PKHD1L1: variants seen among roughly 807,000 people sequenced by gnomAD.
PKHD1L1 encodes the protein fibrocystin-L.
Under a neutral mutation model 462.9 loss-of-function variants are expected in PKHD1L1, and 434 were observed. That is an observed-to-expected ratio of 0.94 (90% confidence interval 0.87 to 1.02). The LOEUF is 1.02. Ranked by LOEUF, PKHD1L1 falls within the 50% of genes least tolerant of loss-of-function variation. The probability of loss-of-function intolerance (pLI) is 0.00; values close to 1 mark genes in which losing one functional copy is unlikely to be tolerated. For synonymous variants in PKHD1L1, 1,781 were observed against 1,750.0 expected, an observed-to-expected ratio of 1.02 and a Z score of -0.44; for missense variants, 5,202 against 5,096.1, an observed-to-expected ratio of 1.02 and a Z score of -0.63.
rs1821129190 is a variant in PKHD1L1, at chr8:109,535,641, G to A, written c.*5551G>A. On this transcript the variant is annotated 3_prime_UTR_variant, in exon 78 of 78. Transcript: ENST00000378402. ...ACAATCAAGACACATATCCTCCTAA[G>A]TGAATTTGAATTAGACACTGGAAAA... 6.6e-6 allele frequency among the ~76,000 whole-genome samples: 1 copy of A among 152,172 alleles called. No individual in the cohort carries two copies.
At chr8:109,384,358 A>G (rs1586400809) in intron 5 of PKHD1L1, among the ~76,000 whole-genome samples, 1 of 152,102 alleles carries the variant, frequency 6.6e-6, no homozygotes, top group East Asian at 1.9e-4. Context: ...GGGCAACATC[A>G]TGAGACCCTC....
intron 65 of PKHD1L1, among the ~76,000 whole-genome samples, chr8:109,497,563 A>G (rs2130940430): frequency 6.6e-6 from 1 of 151,324 alleles, no homozygotes; most frequent in Non-Finnish European, 1.5e-5. Context: ...AGTAGCTAGG[A>G]CTACAGGTGC....
Position 109,394,419 on chromosome 8 carries a change from T to C in PKHD1L1, c.745T>C (p.Phe249Leu). 1 of 1,487,838 alleles carries C rather than the reference T, an allele frequency of 6.7e-7. No homozygotes were observed. The highest frequency in any genetic ancestry group is 1.4e-5 in the African/African-American group (1 of 70,714). 92.2% of individuals were successfully genotyped at this position (1,487,838 alleles called of 1,614,324 possible). ...AATTTAATCTTTTTTTAACAGGAGTTTTCCACAGAAAATGGCATATTTTGT... is the reference window on the plus strand; with the variant it reads ...AATTTAATCTTTTTTTAACAGGAGTCTTCCACAGAAAATGGCATATTTTGT... ...FILDNDYGRS[F>L]PQKMAYFVSS... Residue 249 changes from phenylalanine (F) to leucine (L), a missense_variant, in exon 10 of 78, where the codon TTT becomes CTT. Phe to Leu is a conservative substitution (Grantham distance 22). Coordinates refer to ENST00000378402, the MANE Select transcript of PKHD1L1 (RefSeq NM_177531.6).
intron 18 of PKHD1L1, 134 bp from the exon 19 acceptor site, chr8:109,409,731 A>G: frequency 2.1e-6 from 1 of 486,246 alleles, no homozygotes; most frequent in Non-Finnish European, 3.6e-6. Flanking sequence ...TAGAAAATTA[A>G]CTCATAATCA....
rs1400031234 is a variant in PKHD1L1 at position 109,364,730 on chromosome 8, G to T, written c.163+94G>T. 14 of 767,820 alleles carry T rather than the reference G, an allele frequency of 1.8e-5. No homozygotes were observed. The East Asian group carries it at 3.7e-4, about 20-fold the overall frequency. 47.6% of individuals were successfully genotyped at this position (767,820 alleles called of 1,614,324 possible). A position where few individuals can be genotyped will look rare whatever the true frequency, so the allele number is the denominator to read the frequency against. ...GCTTTATGGACAAACAAACAAACAA[G>T]CACCACTGGAGTTATTTCTTCACTT... On this transcript the variant is annotated intron_variant, in intron 2 of 77. Coordinates refer to ENST00000378402, the MANE Select transcript of PKHD1L1 (RefSeq NM_177531.6).
At position 109,382,538 on chromosome 8, in the gene PKHD1L1, A is replaced by C. The variant is rs545129191; in HGVS notation, c.384A>C (p.Lys128Asn). Residue 128 changes from lysine to asparagine, a missense_variant, in exon 4 of 78, where the codon AAA (lysine) becomes AAC (asparagine). This residue lies in a region of PKHD1L1 where 4,497 missense variants were observed against 4,336.8 expected (regional missense o/e 1.04). Transcript: ENST00000378402. ...CTGTTACGGAAAATAACACCTGCAA[A>C]GGTCACATCAACAGCTGGGAATGTA... Reference protein sequence around the residue: ...GVPVTENNTCKGHINSWECTF... With the variant: ...GVPVTENNTCNGHINSWECTF... 6.2e-7 allele frequency: 1 copy of C among 1,612,536 alleles called. No homozygotes were observed. The highest frequency in any genetic ancestry group is 1.7e-5 in the Admixed American group (1 of 59,866).
chr8:109,364,121 T>G (rs1586351233), intron 1 of PKHD1L1, among the ~76,000 whole-genome samples: 1 of 152,352 alleles, frequency 6.6e-6, no homozygotes, highest in Middle Eastern at 3.4e-3. Flanking sequence ...TGGTCTAGTC[T>G]TTCAAACTAC....
rs775740138 is a variant in PKHD1L1 at position 109,381,451 on chromosome 8, A to G, written c.245A>G (p.Gln82Arg). The part of the protein sequence containing the change: ...GNSVQLISSF[Q>R]SITCDVEKDA... The stretch of plus-strand genomic sequence containing the variant: ...AGTGTGCAATTAATTTCTTCTTTCC[A>G]GTCAATTACTTGTGATGTAGAAAAA... Residue 82 changes from glutamine (Q) to arginine (R), a missense_variant, in exon 3 of 78, where the codon CAG becomes CGG. This residue lies in a region of PKHD1L1 where 4,497 missense variants were observed against 4,336.8 expected (regional missense o/e 1.04). Transcript: ENST00000378402. 2 of 1,584,118 alleles carry G rather than the reference A, an allele frequency of 1.3e-6. No homozygotes were observed. The highest frequency in any genetic ancestry group is 1.3e-5 in the African/African-American group (1 of 74,594).
chr8:109,469,083 A>G (rs1163254644), intron 50 of PKHD1L1, among the ~76,000 whole-genome samples: 1 of 152,140 alleles, frequency 6.6e-6, no homozygotes, highest in Non-Finnish European at 1.5e-5. Flanking sequence ...TCCTCTGCCC[A>G]GTGACTATTG....
At chr8:109,402,847 A>G (rs1322575009) in intron 14 of PKHD1L1, among the ~76,000 whole-genome samples, 1 of 152,106 alleles carries the variant, frequency 6.6e-6, no homozygotes, top group African/African-American at 2.4e-5. Flanking sequence ...ATGTTCTCAC[A>G]CTCAATGTTC....
intron 9 of PKHD1L1, among the ~76,000 whole-genome samples, chr8:109,391,841 A>T (rs190955920): frequency 2.0e-5 from 3 of 152,330 alleles, no homozygotes; most frequent in African/African-American, 2.4e-5. Context: ...ACTCAAGTAC[A>T]CTATCATTGT....
chr8:109,452,179 T>G lies in PKHD1L1; in HGVS notation c.6406T>G (p.Tyr2136Asp), dbSNP rs201347021. The G allele has an allele frequency of 7.0e-4, 1,130 of 1,613,404 alleles. 3 individuals carry two copies. The highest frequency in any genetic ancestry group is 1.1e-3 in the South Asian group (101 of 90,934). ...AGCTGAAGCCAAATGTGATGTTGAG[T>G]ATTCCAACAAGACACACATCATCTG... ...TIAEAKCDVEYSNKTHIICMT... is the reference protein window; with the variant it reads ...TIAEAKCDVEDSNKTHIICMT... Residue 2136 changes from tyrosine (Y) to aspartate (D), a missense_variant, in exon 42 of 78, where the codon TAT becomes GAT. This residue lies in a region of PKHD1L1 where 4,497 missense variants were observed against 4,336.8 expected (regional missense o/e 1.04). Transcript: ENST00000378402.
In PKHD1L1 at chr8:109,400,135, A is replaced by G; in HGVS notation, c.1072A>G (p.Ile358Val). 1 of 1,613,600 alleles carries G rather than the reference A, an allele frequency of 6.2e-7. No homozygotes were observed. Among genetic ancestry groups the G allele is most frequent in the Middle Eastern group, 1.6e-4 (1 of 6,062 alleles). ...TAGCCGTCCAATACGTTTGGAAGAG[A>G]TACTGGAATACAATGAAAAAACGCC... ...NNSRPIRLEE[I>V]LEYNEKTPGY... is the part of the protein sequence containing the mutation. Residue 358 changes from isoleucine to valine, a missense_variant, in exon 13 of 78, where the codon ATA becomes GTA. Around this residue, in one of 3 missense-constraint regions of PKHD1L1, gnomAD observed 4,497 missense variants for 4,336.8 expected, o/e 1.04. Coordinates refer to ENST00000378402, the MANE Select transcript of PKHD1L1 (RefSeq NM_177531.6).
intron 45 of PKHD1L1, among the ~76,000 whole-genome samples, chr8:109,455,095 G>T (rs575104099): frequency 7.3e-4 from 111 of 152,258 alleles, no homozygotes; most frequent in Non-Finnish European, 1.3e-3. Context: ...CCCAGCACCT[G>T]GGGAAGCCAA....
chr8:109,496,275 A>G (rs1302386781), intron 63 of PKHD1L1, among the ~76,000 whole-genome samples: 2 of 152,192 alleles, frequency 1.3e-5, no homozygotes, highest in African/African-American at 4.8e-5. Context: ...TATCAAGTGA[A>G]AGGAATTTTA....
chr8:109,489,132 A>T (rs1014591556), intron 59 of PKHD1L1, among the ~76,000 whole-genome samples: 3 of 151,966 alleles, frequency 2.0e-5, no homozygotes, highest in African/African-American at 7.2e-5. Flanking sequence ...TGTATAGAAG[A>T]ATTGCCTCAT....
chr8:109,365,303 A>C (rs571586971), intron 2 of PKHD1L1, among the ~76,000 whole-genome samples: 10 of 152,322 alleles, frequency 6.6e-5, no homozygotes, highest in African/African-American at 2.2e-4. Flanking sequence ...ACAATAAGAA[A>C]CATTTAAAAA....
At position 109,394,480 on chromosome 8, in the gene PKHD1L1, A is replaced by C. The variant is rs1169959898; in HGVS notation, c.806A>C (p.Tyr269Ser). ...AATAAAATTGCAATGTTTCAAACAT[A>C]TGCAGGTATGTGACTTTTCTTTCAC... ...SLNKIAMFQT[Y>S]AEVTMIFPSQ... is the part of the protein sequence containing the mutation. Residue 269 changes from tyrosine to serine, a missense_variant, in exon 10 of 78, where the codon TAT becomes TCT. Around this residue, in one of 3 missense-constraint regions of PKHD1L1, gnomAD observed 4,497 missense variants for 4,336.8 expected, o/e 1.04. Transcript: ENST00000378402. 1 of 1,509,216 alleles carries C rather than the reference A, an allele frequency of 6.6e-7. No homozygotes were observed. The highest frequency in any genetic ancestry group is 1.3e-5 in the South Asian group (1 of 77,120). 93.5% of individuals were successfully genotyped at this position (1,509,216 alleles called of 1,614,324 possible).
intron 30 of PKHD1L1, among the ~76,000 whole-genome samples, chr8:109,437,650 G>A (rs1815505260): frequency 6.6e-6 from 1 of 151,864 alleles, no homozygotes; most frequent in Admixed American, 6.6e-5. Context: ...GTAAATGGGG[G>A]TATTATGTAT....
Sources: allele counts gnomAD v4.1 joint callset (sites outside exome capture counted in the v4.1 genomes callset), GRCh38; gene constraint gnomAD v4.1.1; regional missense constraint gnomAD v4.1.1; transcripts MANE v1.5; gene names NCBI Gene and HGNC (gene_info 2026-07-23, HGNC 2026-07-21).